Variants in ROBO1 observed in about 807,000 individuals in gnomAD.
ROBO1 encodes roundabout guidance receptor 1, also known as roundabout homolog 1.
ROBO1 carries 149 observed loss-of-function variants against 195.9 expected under a neutral mutation model. The observed-to-expected ratio is 0.76, with a 90% CI of 0.67 to 0.87. The LOEUF is 0.87. ROBO1 is among the 40% of genes least tolerant of loss of function. The pLI is 0.00. For synonymous variants in ROBO1, 816 were observed against 733.2 expected, an observed-to-expected ratio of 1.11 and a Z score of -1.82; for missense variants, 1,933 against 2,068.3, an observed-to-expected ratio of 0.93 and a Z score of 1.27.
chr3:78,605,753 C>A (rs918271180), intron 29 of ROBO1, among the ~76,000 whole-genome samples: 2 of 152,106 alleles, frequency 1.3e-5, no homozygotes, highest in Non-Finnish European at 2.9e-5. Context: ...TTTCCCTGTT[C>A]TTTATTTTAT....
intron 2 of ROBO1, among the ~76,000 whole-genome samples, chr3:79,562,433 C>G (rs553053500): frequency 6.6e-6 from 1 of 152,100 alleles, no homozygotes; most frequent in Non-Finnish European, 1.5e-5. Context: ...AAATGCTCAT[C>G]ATCACTGGTC....
At chr3:78,768,369 C>T (rs1477689158) in intron 4 of ROBO1, among the ~76,000 whole-genome samples, 1 of 149,100 alleles carries the variant, frequency 6.7e-6, no homozygotes, top group Non-Finnish European at 1.5e-5. Flanking sequence ...TATGTACTTA[C>T]AATAAGAAAA....
chr3:78,759,868 A>C (rs994708221), intron 4 of ROBO1, among the ~76,000 whole-genome samples: 2 of 152,202 alleles, frequency 1.3e-5, no homozygotes, highest in Non-Finnish European at 2.9e-5. Flanking sequence ...GAAAGGAGAC[A>C]TATCAAAGGG....
intron 2 of ROBO1, among the ~76,000 whole-genome samples, chr3:79,476,570 T>C (rs910286896): frequency 3.3e-5 from 5 of 152,226 alleles, no homozygotes; most frequent in African/African-American, 1.2e-4. Flanking sequence ...TACCATGGAA[T>C]ACTACTCAGC....
In ROBO1 at chr3:78,880,250, A is replaced by T. The variant is rs981621980; in HGVS notation, c.499+58351T>A. Among the ~76,000 whole-genome samples the T allele has an allele frequency of 3.9e-5, 6 of 152,200 alleles. No individual in the cohort carries two copies. The East Asian group carries it at 1.2e-3, about 29-fold the overall frequency. On this transcript the variant is annotated intron_variant, in intron 4 of 30. Coordinates refer to ENST00000464233, the MANE Select transcript of ROBO1 (RefSeq NM_002941.4). ...TGTGGTAAATCCTACCAGTCCTACCAGTTAGGATCAGAAGATTGACTCCTA... is the reference window on the plus strand; with the variant it reads ...TGTGGTAAATCCTACCAGTCCTACCTGTTAGGATCAGAAGATTGACTCCTA...
At chr3:78,691,387 G>A (rs1400284214) in intron 8 of ROBO1, among the ~76,000 whole-genome samples, 1 of 152,072 alleles carries the variant, frequency 6.6e-6, no homozygotes, top group East Asian at 1.9e-4. Flanking sequence ...ATTAGACAAA[G>A]GGAAGAAAAG....
intron 2 of ROBO1, among the ~76,000 whole-genome samples, chr3:79,174,709 A>G (rs1258941227): frequency 9.2e-6 from 1 of 108,594 alleles, no homozygotes; most frequent in Non-Finnish European, 1.7e-5. Context: ...TAAAAATACA[A>G]AAAAAAAAAC....
At chr3:79,501,495 G>A (rs1268061096) in intron 2 of ROBO1, among the ~76,000 whole-genome samples, 1 of 152,166 alleles carries the variant, frequency 6.6e-6, no homozygotes, top group East Asian at 1.9e-4. Context: ...CTTAGAAAAT[G>A]AGTGTCTCTA....
At chr3:78,977,513 T>C (rs905824575) in intron 3 of ROBO1, among the ~76,000 whole-genome samples, 8 of 151,772 alleles carry the variant, frequency 5.3e-5, no homozygotes, top group Non-Finnish European at 1.2e-4. Flanking sequence ...GTAACCTCCT[T>C]AAGAACAGGA....
chr3:79,752,340 C>A (rs989257260), intron 1 of ROBO1, among the ~76,000 whole-genome samples: 3 of 152,076 alleles, frequency 2.0e-5, no homozygotes, highest in East Asian at 3.9e-4. Flanking sequence ...TTTAATAAAA[C>A]CTATGTTTAA....
intron 1 of ROBO1, among the ~76,000 whole-genome samples, chr3:79,607,204 A>C (rs1944516262): frequency 6.6e-6 from 1 of 151,690 alleles, no homozygotes. Context: ...ATATGGAAAA[A>C]AAGATGTTCT....
chr3:79,506,665 G>A (rs1244346467), intron 2 of ROBO1, among the ~76,000 whole-genome samples: 5 of 152,084 alleles, frequency 3.3e-5, no homozygotes, highest in Non-Finnish European at 5.9e-5. Flanking sequence ...GGATGGTCTC[G>A]ATCTCCTGAC....
At chr3:79,606,205 GACTAGAGATCTAATGTACAAC>G (rs1210926174) in intron 1 of ROBO1, among the ~76,000 whole-genome samples, 14 of 151,762 alleles carry the variant, frequency 9.2e-5, no homozygotes, top group East Asian at 1.9e-4. Context: ...TAGTAAGAAA[GACTAGAGATCTAATGTACAAC>G]ACTAGAGATC....
chr3:78,710,231 A>G (rs2081649477), intron 8 of ROBO1, among the ~76,000 whole-genome samples: 1 of 152,100 alleles, frequency 6.6e-6, no homozygotes, highest in Admixed American at 6.6e-5. Flanking sequence ...CAACATGTAC[A>G]ATTGACTTTA....
chr3:79,745,564 G>A (rs970316144), intron 1 of ROBO1, among the ~76,000 whole-genome samples: 1 of 152,166 alleles, frequency 6.6e-6, no homozygotes, highest in Non-Finnish European at 1.5e-5. Flanking sequence ...GCCTGCCTAT[G>A]CTTCTTACAG....
chr3:78,984,914 A>G (rs1220196232), intron 3 of ROBO1, among the ~76,000 whole-genome samples: 1 of 152,222 alleles, frequency 6.6e-6, no homozygotes, highest in Non-Finnish European at 1.5e-5. Context: ...CTTGTGAGAC[A>G]GCAAGGCCAA....
chr3:79,019,144 C>T, intron 3 of ROBO1: 1 of 986,398 alleles, frequency 1.0e-6, no homozygotes, highest in Middle Eastern at 5.2e-4. Flanking sequence ...AGCAGGACCG[C>T]GGACACTCGC....
chr3:78,930,546 T>C (rs528466976), intron 4 of ROBO1, among the ~76,000 whole-genome samples: 1 of 152,344 alleles, frequency 6.6e-6, no homozygotes, highest in Non-Finnish European at 1.5e-5. Flanking sequence ...ACCAAACCGC[T>C]ATAAGCCATT....
intron 2 of ROBO1, among the ~76,000 whole-genome samples, chr3:79,368,977 T>G (rs1281077925): frequency 6.6e-6 from 1 of 152,218 alleles, no homozygotes; most frequent in Non-Finnish European, 1.5e-5. Flanking sequence ...AATAAATGTT[T>G]AAGGTATGCA....
Sources: allele counts gnomAD v4.1 joint callset (sites outside exome capture counted in the v4.1 genomes callset), GRCh38; gene constraint gnomAD v4.1.1; transcripts MANE v1.5; gene names NCBI Gene and HGNC (gene_info 2026-07-23, HGNC 2026-07-21).